The following PEAK1 variants were observed in gnomAD, a reference collection of about 807,000 sequenced individuals.
The protein encoded by PEAK1 is pseudopodium enriched atypical kinase 1.
In PEAK1, 54 loss-of-function variants were observed where a neutral mutation model predicts 124.7. That is an observed-to-expected ratio of 0.43 (90% confidence interval 0.35 to 0.54). The LOEUF (loss-of-function observed/expected upper bound fraction) is 0.54, where lower values mean the gene tolerates loss of function less well. Among genes scored for constraint, PEAK1 ranks in the 20% least tolerant of loss-of-function variants. The pLI, the probability that PEAK1 is intolerant of heterozygous loss-of-function variation, is 0.01. For synonymous variants in PEAK1, 719 were observed against 760.0 expected (o/e 0.95, Z 0.89); for missense variants, 2,046 against 2,134.5 (o/e 0.96, Z 0.82).
chr15:77,236,402 G>A (rs982943462), intron 6 of PEAK1, among the ~76,000 whole-genome samples: 3 of 152,200 alleles, frequency 2.0e-5, no homozygotes, highest in Non-Finnish European at 2.9e-5. Context: ...TTTAATAATT[G>A]CCCTATCGTT....
chr15:77,129,621 T>TG (rs2052683880), intron 9 of PEAK1, among the ~76,000 whole-genome samples: 61 of 146,116 alleles, frequency 4.2e-4, no homozygotes, highest in Non-Finnish European at 5.6e-4. Context: ...TTTTTTTGTA[T>TG]TTTTAGCAGA....
Position 77,283,868 on chromosome 15 carries a change from T to C in PEAK1, c.-275+15A>G. The C allele has an allele frequency of 1.0e-6, 1 of 973,758 alleles. No individual in the cohort carries two copies. The highest frequency in any genetic ancestry group is 1.8e-5 in the African/African-American group (1 of 57,130). The allele number at this position is 973,758 out of a possible 1,614,324, so 60.3% of individuals were successfully genotyped here. A position where few individuals can be genotyped will look rare whatever the true frequency, so the allele number is the denominator to read the frequency against. On this transcript the variant is annotated intron_variant, in intron 5 of 9. Transcript: ENST00000682557. ...TAAATCAACTCATAGACCTTATTAC[T>C]TGCCACTTCCTTACCTCTTTGTTAC...
At position 77,178,795 on chromosome 15, in the gene PEAK1, A is replaced by C. The variant is rs1327511622; in HGVS notation, c.3132T>G (p.Ile1044Met). The change falls in exon 7 of 10, where the codon ATT (isoleucine) becomes ATG (methionine). Residue 1044 changes from isoleucine (I) to methionine (M), a missense_variant. Transcript: ENST00000682557. ...TTCCAGTCTATTTTACATACCTGAG[A>C]ATCTTTTTAGGAATCTGTGATGGAG... is the stretch of plus-strand genomic sequence containing the variant. Reference protein sequence around the residue: ...HSSPSQIPKKILSHMTHEVTE... With the variant: ...HSSPSQIPKKMLSHMTHEVTE... 4.3e-6 allele frequency: 7 copies of C among 1,611,932 alleles called. No individual in the cohort carries two copies. The highest frequency in any genetic ancestry group is 2.7e-5 in the African/African-American group (2 of 74,976).
chr15:77,335,492 G>C (rs2066143638), intron 2 of PEAK1: 4 of 985,026 alleles, frequency 4.1e-6, no homozygotes, highest in South Asian at 4.7e-5. Context: ...TTACTACTTT[G>C]TTTCAAGAGA....
intron 1 of PEAK1, among the ~76,000 whole-genome samples, chr15:77,387,627 A>G (rs568106897): frequency 6.6e-6 from 1 of 152,348 alleles, no homozygotes; most frequent in Admixed American, 6.5e-5. Context: ...AAGGTTACAT[A>G]ACTAAATTAA....
intron 2 of PEAK1, among the ~76,000 whole-genome samples, chr15:77,294,305 G>T (rs1047274154): frequency 6.6e-6 from 1 of 151,984 alleles, no homozygotes; most frequent in African/African-American, 2.4e-5. Flanking sequence ...GAAGAACTCT[G>T]CTTTTATAAT....
intron 6 of PEAK1, among the ~76,000 whole-genome samples, chr15:77,222,595 ATAG>A (rs974230615): frequency 3.6e-4 from 55 of 152,094 alleles, no homozygotes; most frequent in African/African-American, 1.3e-3. Flanking sequence ...TCACATAATG[ATAG>A]TTAAGTGGGA....
At chr15:77,405,844 T>C (rs1041065434) in intron 1 of PEAK1, among the ~76,000 whole-genome samples, 3 of 152,130 alleles carry the variant, frequency 2.0e-5, no homozygotes, top group Non-Finnish European at 4.4e-5. Flanking sequence ...AAGTCAATAA[T>C]TAAGGAATTC....
intron 2 of PEAK1, among the ~76,000 whole-genome samples, chr15:77,306,192 T>C (rs910553777): frequency 2.0e-5 from 3 of 152,196 alleles, no homozygotes; most frequent in African/African-American, 7.2e-5. Flanking sequence ...TTTTCAGTCC[T>C]GAATTTTTAA....
At chr15:77,349,860 A>G (rs1316139286) in intron 2 of PEAK1, 23 of 985,282 alleles carry the variant, frequency 2.3e-5, no homozygotes, top group Non-Finnish European at 2.8e-5. Flanking sequence ...TCAAGTGGAG[A>G]GGAGCCAACT....
intron 6 of PEAK1, among the ~76,000 whole-genome samples, chr15:77,246,913 G>A (rs1017362963): frequency 6.6e-6 from 1 of 152,118 alleles, no homozygotes; most frequent in Non-Finnish European, 1.5e-5. Flanking sequence ...AGCTACTCAA[G>A]AGGCTGAGGT....
chr15:77,179,918 G>T lies in PEAK1; in HGVS notation c.2009C>A (p.Thr670Lys). The T allele has an allele frequency of 6.2e-7, 1 of 1,614,100 alleles. No homozygotes were observed. Among genetic ancestry groups the T allele is most frequent in the South Asian group, 1.1e-5 (1 of 91,064 alleles). Reference sequence around the variant, plus strand: ...GGTGTTATCAGGCACTTTGCTTTCTGTTTCTATTTCTTCATAAGTATGGCT... The same window carrying T: ...GGTGTTATCAGGCACTTTGCTTTCTTTTTCTATTTCTTCATAAGTATGGCT... ...VISHTYEEIE[T>K]ESKVPDNTTS... Residue 670 changes from threonine to lysine, a missense_variant, in exon 7 of 10, where the codon ACA becomes AAA. Coordinates refer to ENST00000682557, the MANE Select transcript of PEAK1 (RefSeq NM_001385026.1).
At chr15:77,394,223 C>T (rs1310031914) in intron 1 of PEAK1, among the ~76,000 whole-genome samples, 1 of 152,214 alleles carries the variant, frequency 6.6e-6, no homozygotes, top group Admixed American at 6.5e-5. Flanking sequence ...AAGGGAAAGA[C>T]ACAAACCTGG....
intron 7 of PEAK1, among the ~76,000 whole-genome samples, chr15:77,162,995 G>A (rs981163564): frequency 2.1e-4 from 32 of 152,066 alleles, no homozygotes; most frequent in Admixed American, 2.6e-4. Flanking sequence ...CCCACTAAGA[G>A]GAAGTTATGG....
chr15:77,395,904 T>C (rs1175400993), intron 1 of PEAK1, among the ~76,000 whole-genome samples: 1 of 152,130 alleles, frequency 6.6e-6, no homozygotes, highest in Non-Finnish European at 1.5e-5. Flanking sequence ...TAATAGTATA[T>C]AGAAAAGCAC....
rs11639079 is a variant in PEAK1 at position 77,110,765 on chromosome 15, C to A, written c.*3391G>T. ...TCAGCCTAGGGGTTGGTGATTCTTA[C>A]GTTGTTGTTCCACAGGTTACAGTGA... On this transcript the variant is annotated 3_prime_UTR_variant, in exon 10 of 10. Coordinates refer to ENST00000682557, the MANE Select transcript of PEAK1 (RefSeq NM_001385026.1). 0.27 allele frequency: 40,915 copies of A among 152,104 alleles called. 6,521 individuals carry two copies. Among genetic ancestry groups the A allele is most frequent in the Non-Finnish European group, 0.37 (25,205 of 67,984 alleles). The allele number at this position is 152,104 out of a possible 1,614,324, so 9.4% of individuals were successfully genotyped here. A position where few individuals can be genotyped will look rare whatever the true frequency, so the allele number is the denominator to read the frequency against.
chr15:77,258,836 C>A lies in PEAK1; in HGVS notation c.-274-6310G>T, dbSNP rs181980033. Reference sequence around the variant, plus strand: ...AAAGGGAATGTTTCCAGTTTTTGCCCATTCAGTATGATGTTGGCTGTGGGT... The same window carrying A: ...AAAGGGAATGTTTCCAGTTTTTGCCAATTCAGTATGATGTTGGCTGTGGGT... On this transcript the variant is annotated intron_variant, in intron 5 of 9. Transcript: ENST00000682557. Among the ~76,000 whole-genome samples the A allele has an allele frequency of 2.6e-5, 4 of 152,240 alleles. No homozygotes were observed. The East Asian group carries it at 7.7e-4, about 29-fold the overall frequency.
intron 2 of PEAK1, among the ~76,000 whole-genome samples, chr15:77,318,961 GA>G (rs2065037237): frequency 6.6e-6 from 1 of 152,102 alleles, no homozygotes; most frequent in South Asian, 2.1e-4. Flanking sequence ...CAAACTCTCT[GA>G]AGATGGCAAA....
At chr15:77,278,064 G>A (rs147144714) in intron 5 of PEAK1, among the ~76,000 whole-genome samples, 2 of 152,254 alleles carry the variant, frequency 1.3e-5, no homozygotes, top group Non-Finnish European at 2.9e-5. Context: ...GTACCATTCT[G>A]GTGGGGATGT....
Sources: gnomAD v4.1 joint callset for allele counts (sites outside exome capture counted in the v4.1 genomes callset) on GRCh38, gnomAD v4.1.1 for gene constraint, MANE v1.5 for transcripts, NCBI Gene and HGNC (gene_info 2026-07-23, HGNC 2026-07-21) for gene names.